Variants in PON2 observed in about 807,000 individuals in gnomAD.
PON2 encodes serum paraoxonase/arylesterase 2.
Under a neutral mutation model 36.6 loss-of-function variants are expected in PON2, and 27 were observed. That is an observed-to-expected ratio of 0.74 (90% CI 0.54 to 1.02). PON2 has a LOEUF of 1.02. Among genes scored for constraint, PON2 ranks in the 50% least tolerant of loss-of-function variants. The pLI is 0.00. For missense variants in PON2, 363 were observed against 421.1 expected (o/e 0.86, Z 1.21); for synonymous variants, 149 against 156.3 (o/e 0.95, Z 0.35).
At chr7:95,415,123 T>A (rs1757627985) in intron 3 of PON2, 2 of 152,172 alleles carry the variant, frequency 1.3e-5, no homozygotes, top group South Asian at 4.1e-4. Context: ...AAATAATGGA[T>A]GTTGAGAGGA....
Position 95,434,982 on chromosome 7 carries a change from C to G in PON2, c.-31G>C, listed in dbSNP as rs532174350. ...GGGAGCCGGGCGCGCTGCCTCGCTCCGGCCTGGCCAGCAGCTCCGTGGGCG... is the reference window on the plus strand; with the variant it reads ...GGGAGCCGGGCGCGCTGCCTCGCTCGGGCCTGGCCAGCAGCTCCGTGGGCG... On this transcript the variant is annotated 5_prime_UTR_variant, in exon 1 of 9. Coordinates refer to ENST00000222572, the MANE Select transcript of PON2 (RefSeq NM_000305.3). 1 of 1,511,936 alleles carries G rather than the reference C, an allele frequency of 6.6e-7. No individual in the cohort carries two copies. Among genetic ancestry groups the G allele is most frequent in the Non-Finnish European group, 8.8e-7 (1 of 1,136,222 alleles). 93.7% of individuals were successfully genotyped at this position (1,511,936 alleles called of 1,614,324 possible). A position where few individuals can be genotyped will look rare whatever the true frequency, so the allele number is the denominator to read the frequency against.
At chr7:95,420,414 A>G (rs1789165181) in intron 2 of PON2, among the ~76,000 whole-genome samples, 1 of 152,228 alleles carries the variant, frequency 6.6e-6, no homozygotes, top group African/African-American at 2.4e-5. Flanking sequence ...TGCAGATGTT[A>G]ATCTGCCAAA....
At chr7:95,434,774 C>G (rs553253849) in intron 1 of PON2, 104 bp downstream of exon 1, 1 of 1,311,210 alleles carries the variant, frequency 7.6e-7, no homozygotes, top group African/African-American at 1.5e-5. Context: ...GCCGCAGGGC[C>G]AGGTCCCGCA....
At chr7:95,416,784 T>C (rs1163807449) in intron 2 of PON2, among the ~76,000 whole-genome samples, 1 of 152,242 alleles carries the variant, frequency 6.6e-6, no homozygotes, top group African/African-American at 2.4e-5. Flanking sequence ...AAACAGTGCC[T>C]ACTTGTGCTC....
At chr7:95,413,194 T>C (rs1446952719) in intron 3 of PON2, 2 of 151,598 alleles carry the variant, frequency 1.3e-5, no homozygotes, top group African/African-American at 4.9e-5. Flanking sequence ...CTCGGAAGGC[T>C]GAGGTGGAAG....
At chr7:95,419,761 A>G (rs2299266) in intron 2 of PON2, among the ~76,000 whole-genome samples, 39,991 of 152,014 alleles carry the variant, frequency 0.26, 5,686 homozygotes, top group South Asian at 0.36. Flanking sequence ...GGCAACAAGC[A>G]GAGTTCTAGT....
chr7:95,408,855 A>G (rs1809779946), intron 6 of PON2, among the ~76,000 whole-genome samples: 2 of 149,310 alleles, frequency 1.3e-5, no homozygotes, highest in African/African-American at 4.9e-5. Flanking sequence ...TATCTATTAA[A>G]GTTAACATTT....
intron 6 of PON2, among the ~76,000 whole-genome samples, chr7:95,409,231 G>A (rs1211254669): frequency 6.6e-6 from 1 of 152,002 alleles, no homozygotes; most frequent in Non-Finnish European, 1.5e-5. Flanking sequence ...AGAATCACTT[G>A]AACCCAGGAG....
intron 1 of PON2, among the ~76,000 whole-genome samples, chr7:95,428,092 C>T (rs1789357166): frequency 6.6e-6 from 1 of 152,204 alleles, no homozygotes; most frequent in Admixed American, 6.5e-5. Flanking sequence ...AATAACAGCA[C>T]TCTCCCTCTA....
intron 2 of PON2, among the ~76,000 whole-genome samples, chr7:95,419,534 C>A (rs1026549301): frequency 3.9e-5 from 6 of 152,168 alleles, no homozygotes; most frequent in African/African-American, 1.4e-4. Context: ...CAAGTGTTCA[C>A]CAGCATCCAT....
chr7:95,423,580 A>G (rs766922061), intron 2 of PON2, among the ~76,000 whole-genome samples: 7 of 152,116 alleles, frequency 4.6e-5, no homozygotes, highest in African/African-American at 7.2e-5. Flanking sequence ...AGGAACCCCT[A>G]CTCAAAGACT....
intron 1 of PON2, among the ~76,000 whole-genome samples, chr7:95,427,428 T>C (rs1027546151): frequency 1.3e-5 from 2 of 152,176 alleles, no homozygotes; most frequent in African/African-American, 2.4e-5. Flanking sequence ...GGTGTAGTCA[T>C]ATGACCCAGG....
Position 95,406,104 on chromosome 7 carries a change from T to C in PON2, c.906+15A>G, listed in dbSNP as rs766650800. 5.6e-6 allele frequency: 9 copies of C among 1,612,042 alleles called. No homozygotes were observed. The highest frequency in any genetic ancestry group is 1.7e-6 in the Non-Finnish European group (2 of 1,178,532). ...ACTTGAATAATTAAGTTTAAAAAACTGAAAATATAAAAACCTCTGACGAGG... is the reference window on the plus strand; with the variant it reads ...ACTTGAATAATTAAGTTTAAAAAACCGAAAATATAAAAACCTCTGACGAGG... On this transcript the variant is annotated intron_variant, in intron 8 of 8. Coordinates refer to ENST00000222572, the MANE Select transcript of PON2 (RefSeq NM_000305.3).
At chr7:95,408,624 C>T (rs1443450818) in intron 6 of PON2, among the ~76,000 whole-genome samples, 2 of 152,060 alleles carry the variant, frequency 1.3e-5, no homozygotes, top group Non-Finnish European at 2.9e-5. Context: ...CATTCTTTTT[C>T]TATAGTCAAC....
At chr7:95,432,152 A>G (rs1412827529) in intron 1 of PON2, among the ~76,000 whole-genome samples, 3 of 152,216 alleles carry the variant, frequency 2.0e-5, no homozygotes, top group Non-Finnish European at 4.4e-5. Context: ...GCTCATGTGT[A>G]TAATCCTACC....
Position 95,416,267 on chromosome 7 carries a change from G to T in PON2, c.176C>A (p.Pro59His). 1 of 1,613,332 alleles carries T rather than the reference G, an allele frequency of 6.2e-7. No homozygotes were observed. The highest frequency in any genetic ancestry group is 2.2e-5 in the East Asian group (1 of 44,836). The change falls in exon 3 of 9, where the codon CCC becomes CAC. Residue 59 changes from proline (P) to histidine (H), a missense_variant. By Grantham distance (77) the Pro-to-His change is moderately conservative. Coordinates refer to ENST00000222572, the MANE Select transcript of PON2 (RefSeq NM_000305.3). ...EAGSEDIDILPNGLAFFSVGL... is the reference protein window; with the variant it reads ...EAGSEDIDILHNGLAFFSVGL... ...CACACTAAAAAAAGCCAGACCATTGGGAAGTATGTCAATATCTTCAGAGCC... is the reference window on the plus strand; with the variant it reads ...CACACTAAAAAAAGCCAGACCATTGTGAAGTATGTCAATATCTTCAGAGCC...
intron 2 of PON2, among the ~76,000 whole-genome samples, chr7:95,420,575 C>T (rs751268832): frequency 2.6e-5 from 4 of 152,148 alleles, no homozygotes; most frequent in African/African-American, 9.7e-5. Context: ...TTAAAGCAGA[C>T]ACAATATGAT....
intron 6 of PON2, among the ~76,000 whole-genome samples, chr7:95,407,786 G>T (rs1166570271): frequency 6.6e-6 from 1 of 152,146 alleles, no homozygotes; most frequent in Non-Finnish European, 1.5e-5. Context: ...ATAAGCATGA[G>T]AAATAGTTCA....
chr7:95,416,450 T>C (rs1480825455), intron 2 of PON2, 153 bp from the exon 3 acceptor site: 1 of 865,164 alleles, frequency 1.2e-6, no homozygotes, highest in Admixed American at 2.1e-5. Context: ...TTAATAAATG[T>C]CAGTTTAAAC....
Sources: gnomAD v4.1 joint callset for allele counts (sites outside exome capture counted in the v4.1 genomes callset) on GRCh38, gnomAD v4.1.1 for gene constraint, MANE v1.5 for transcripts, NCBI Gene and HGNC (gene_info 2026-07-23, HGNC 2026-07-21) for gene names.